FOXP1: variants seen among roughly 807,000 people sequenced by gnomAD.
FOXP1 encodes the protein forkhead box protein P1.
FOXP1 carries 15 observed loss-of-function variants against 98.2 expected under a neutral mutation model. The observed-to-expected ratio is 0.15, with a 90% CI of 0.10 to 0.24. The LOEUF (loss-of-function observed/expected upper bound fraction) is 0.24, where lower values mean the gene tolerates loss of function less well. Ranked by LOEUF, FOXP1 falls within the 10% of genes least tolerant of loss-of-function variation. The probability of loss-of-function intolerance (pLI) is 1.00; values close to 1 mark genes in which losing one functional copy is unlikely to be tolerated. For synonymous variants in FOXP1, 371 were observed against 314.5 expected (o/e 1.18, Z -1.90); for missense variants, 633 against 848.5 (o/e 0.75, Z 3.15).
At chr3:71,293,345 T>C (rs559704719) in intron 5 of FOXP1, among the ~76,000 whole-genome samples, 1 of 152,144 alleles carries the variant, frequency 6.6e-6, no homozygotes, top group Non-Finnish European at 1.5e-5. Flanking sequence ...TGTGAGCCTA[T>C]AGTCCAAGCT....
At chr3:71,194,728 G>A (rs1303222877) in intron 6 of FOXP1, among the ~76,000 whole-genome samples, 1 of 152,110 alleles carries the variant, frequency 6.6e-6, no homozygotes, top group Non-Finnish European at 1.5e-5. Flanking sequence ...TTATGGTATC[G>A]GGTAAAGAAT....
chr3:71,131,178 T>G (rs912330847), intron 6 of FOXP1, among the ~76,000 whole-genome samples: 6 of 152,128 alleles, frequency 3.9e-5, no homozygotes, highest in African/African-American at 1.2e-4. Context: ...TGACTGGCTG[T>G]CCTTTACATT....
intron 7 of FOXP1, among the ~76,000 whole-genome samples, chr3:71,101,691 A>G (rs900458098): frequency 9.9e-5 from 15 of 151,794 alleles, no homozygotes; most frequent in African/African-American, 3.1e-4. Context: ...AAAAAAAAAA[A>G]AAAACACCAC....
intron 3 of FOXP1, among the ~76,000 whole-genome samples, chr3:71,374,891 C>A (rs1322036629): frequency 2.0e-5 from 3 of 152,192 alleles, no homozygotes; most frequent in Non-Finnish European, 2.9e-5. Flanking sequence ...TATTCTCATT[C>A]CTTCCTCTAT....
At chr3:71,258,611 AG>A (rs1205568107) in intron 5 of FOXP1, among the ~76,000 whole-genome samples, 1 of 152,212 alleles carries the variant, frequency 6.6e-6, no homozygotes, top group East Asian at 1.9e-4. Flanking sequence ...TTCATTCTAC[AG>A]GCAGGAAGGC....
chr3:71,436,593 T>G (rs557329797), intron 3 of FOXP1, among the ~76,000 whole-genome samples: 1 of 152,234 alleles, frequency 6.6e-6, no homozygotes, highest in Non-Finnish European at 1.5e-5. Context: ...CATAAAACCC[T>G]TAAGGAACTG....
rs2058764948 is a variant in FOXP1, at chr3:71,121,457, C to A, written c.181-8820G>T. The stretch of plus-strand genomic sequence containing the variant: ...TGACTACAAACAGTCAGGAAGTCTG[C>A]TTTAAGTCTTTGGGAAGAGCTAAAA... On this transcript the variant is annotated intron_variant, in intron 6 of 20. Coordinates refer to ENST00000649528, the MANE Select transcript of FOXP1 (RefSeq NM_001349338.3). Among the ~76,000 whole-genome samples, 6 of 151,190 alleles carry A rather than the reference C, an allele frequency of 4.0e-5. No individual in the cohort carries two copies. In the South Asian group the frequency reaches 1.3e-3, roughly 32 times the overall value.
intron 2 of FOXP1, among the ~76,000 whole-genome samples, chr3:71,569,587 C>G (rs886844012): frequency 1.3e-5 from 2 of 152,166 alleles, no homozygotes; most frequent in African/African-American, 4.8e-5. Context: ...GTATAAGGAA[C>G]ATCATCTATA....
chr3:71,393,437 T>G lies in FOXP1; in HGVS notation c.-167-34193A>C, dbSNP rs113777492. Among the ~76,000 whole-genome samples the G allele has an allele frequency of 3.6e-3, 544 of 152,314 alleles. 4 individuals carry two copies. The highest frequency in any genetic ancestry group is 0.012 in the African/African-American group (517 of 41,570). On this transcript the variant is annotated intron_variant, in intron 3 of 20. Coordinates refer to ENST00000649528, the MANE Select transcript of FOXP1 (RefSeq NM_001349338.3). Reference sequence around the variant, plus strand: ...AAAAAACTCATAAAATGTCACAATTTATAATTTTATGTATACTTGCCTCTC... The same window carrying G: ...AAAAAACTCATAAAATGTCACAATTGATAATTTTATGTATACTTGCCTCTC...
chr3:71,302,855 T>G (rs553211543), intron 4 of FOXP1: 1 of 152,316 alleles, frequency 6.6e-6, no homozygotes, highest in African/African-American at 2.4e-5. Context: ...TACTGCGAAC[T>G]CTAGGGTGAG....
intron 4 of FOXP1, among the ~76,000 whole-genome samples, chr3:71,355,244 A>G (rs1223984639): frequency 1.3e-5 from 2 of 152,224 alleles, no homozygotes; most frequent in African/African-American, 4.8e-5. Flanking sequence ...TGATTCAACA[A>G]ATACCGACTG....
At chr3:71,159,888 C>T (rs189295108) in intron 6 of FOXP1, among the ~76,000 whole-genome samples, 8 of 152,262 alleles carry the variant, frequency 5.3e-5, no homozygotes. Context: ...AACACAGTTA[C>T]GCTCATAAGA....
intron 3 of FOXP1, among the ~76,000 whole-genome samples, chr3:71,417,642 T>C (rs2083316022): frequency 6.6e-6 from 1 of 152,176 alleles, no homozygotes; most frequent in African/African-American, 2.4e-5. Flanking sequence ...CTATATTTTA[T>C]GTGGAGCTAA....
intron 3 of FOXP1, among the ~76,000 whole-genome samples, chr3:71,430,294 C>A (rs1376303536): frequency 1.3e-5 from 2 of 152,208 alleles, no homozygotes; most frequent in African/African-American, 2.4e-5. Flanking sequence ...GCCATGCACA[C>A]ACAGTAAAAT....
chr3:71,505,415 C>CTTTT (rs66459828), intron 2 of FOXP1, among the ~76,000 whole-genome samples: 13 of 82,106 alleles, frequency 1.6e-4, no homozygotes, highest in East Asian at 5.5e-4. Flanking sequence ...AAGAGGGATG[C>CTTTT]TTTTTTTTTT....
chr3:71,479,830 C>G (rs1211964527), intron 3 of FOXP1, among the ~76,000 whole-genome samples: 1 of 152,048 alleles, frequency 6.6e-6, no homozygotes. Flanking sequence ...CCAAAAAATC[C>G]TCCTCTTGAG....
chr3:71,375,304 T>G (rs918491553), intron 3 of FOXP1, among the ~76,000 whole-genome samples: 1 of 152,212 alleles, frequency 6.6e-6, no homozygotes, highest in African/African-American at 2.4e-5. Context: ...CTCTTAATTC[T>G]TCCACTCAGA....
intron 4 of FOXP1, among the ~76,000 whole-genome samples, chr3:71,322,787 G>A (rs956211644): frequency 4.6e-5 from 7 of 152,104 alleles, no homozygotes; most frequent in Admixed American, 6.6e-5. Flanking sequence ...ACAGAGATGC[G>A]GATGCAGTAG....
intron 6 of FOXP1, among the ~76,000 whole-genome samples, chr3:71,173,402 C>T (rs2061751348): frequency 1.3e-5 from 2 of 151,964 alleles, no homozygotes; most frequent in South Asian, 2.1e-4. Context: ...CACACACACA[C>T]ACACACACAC....
Sources: gnomAD v4.1 joint callset for allele counts (sites outside exome capture counted in the v4.1 genomes callset) on GRCh38, gnomAD v4.1.1 for gene constraint, MANE v1.5 for transcripts, NCBI Gene and HGNC (gene_info 2026-07-23, HGNC 2026-07-21) for gene names.